THSD7A: variants seen among roughly 807,000 people sequenced by gnomAD.
THSD7A encodes the protein thrombospondin type-1 domain-containing protein 7A.
Under a neutral mutation model 231.3 loss-of-function variants are expected in THSD7A, and 96 were observed. The ratio of observed to expected loss-of-function variants is 0.41; its 90% confidence interval spans 0.35 to 0.49. The LOEUF (loss-of-function observed/expected upper bound fraction) is 0.49. Ranked by LOEUF, THSD7A falls within the 20% of genes least tolerant of loss-of-function variation. THSD7A has a pLI of 0.05. For synonymous variants in THSD7A, 940 were observed against 743.3 expected (o/e 1.26, Z -4.30); for missense variants, 2,290 against 2,070.2 (o/e 1.11, Z -2.06).
intron 1 of THSD7A, among the ~76,000 whole-genome samples, chr7:11,694,632 A>ACTGTATTTAACAAACTGT (rs1780333935): frequency 6.6e-6 from 1 of 151,496 alleles, no homozygotes; most frequent in Non-Finnish European, 1.5e-5. Context: ...CACTGCTCAC[A>ACTGTATTTAACAAACTGT]AGGTTTGTTA....
At chr7:11,659,062 C>G (rs926244475) in intron 1 of THSD7A, among the ~76,000 whole-genome samples, 3 of 151,684 alleles carry the variant, frequency 2.0e-5, no homozygotes, top group Admixed American at 6.6e-5. Context: ...AACACACACA[C>G]AGACACTCCT....
chr7:11,575,957 T>C (rs1790883323), intron 4 of THSD7A, among the ~76,000 whole-genome samples: 1 of 152,210 alleles, frequency 6.6e-6, no homozygotes, highest in African/African-American at 2.4e-5. Context: ...TTTCTGGCTC[T>C]AGAACCAGAA....
At chr7:11,772,213 A>AAAAC (rs1783254953) in intron 1 of THSD7A, among the ~76,000 whole-genome samples, 1 of 151,840 alleles carries the variant, frequency 6.6e-6, no homozygotes, top group African/African-American at 2.4e-5. Context: ...TAAAACAAAA[A>AAAAC]AAAACAAAAC....
rs551285374 is a variant in THSD7A at position 11,603,626 on chromosome 7, C to T, written c.1023-10124G>A. Among the ~76,000 whole-genome samples the T allele has an allele frequency of 5.1e-4, 78 of 151,774 alleles. 1 individual carries two copies. In the South Asian group the frequency reaches 0.016, roughly 31 times the overall value. On this transcript the variant is annotated intron_variant, in intron 2 of 27. Coordinates refer to ENST00000423059, the MANE Select transcript of THSD7A (RefSeq NM_015204.3). ...CACGATAGCAAAGACTTGGAACCAACCCAAATGTCCAACAATGATAGACTG... is the reference window on the plus strand; with the variant it reads ...CACGATAGCAAAGACTTGGAACCAATCCAAATGTCCAACAATGATAGACTG...
intron 6 of THSD7A, among the ~76,000 whole-genome samples, chr7:11,511,453 C>CA (rs1392607456): frequency 3.3e-5 from 5 of 152,210 alleles, no homozygotes; most frequent in Middle Eastern, 3.4e-3. Flanking sequence ...CATATGGAAC[C>CA]AAAAAACAGC....
chr7:11,794,332 T>C lies in THSD7A; in HGVS notation c.190+37425A>G, dbSNP rs2128179091. On this transcript the variant is annotated intron_variant, in intron 1 of 27. Transcript: ENST00000423059. The stretch of plus-strand genomic sequence containing the variant: ...GCTCTGACAGTGTTTCCTTGCATAA[T>C]TTAATTGAGAATTTCATATTGAGTC... 2.0e-5 allele frequency among the ~76,000 whole-genome samples: 3 copies of C among 152,098 alleles called. No homozygotes were observed. In the Middle Eastern group the frequency reaches 0.01, roughly 517 times the overall value.
chr7:11,629,411 C>T (rs757994829), intron 2 of THSD7A, among the ~76,000 whole-genome samples: 19 of 152,088 alleles, frequency 1.2e-4, no homozygotes, highest in African/African-American at 1.9e-4. Flanking sequence ...GCTTGCGAGA[C>T]GTGATGATGA....
intron 1 of THSD7A, among the ~76,000 whole-genome samples, chr7:11,815,555 A>T (rs1447627410): frequency 6.6e-6 from 1 of 152,204 alleles, no homozygotes; most frequent in African/African-American, 2.4e-5. Context: ...ATTCTTATTA[A>T]TAAACCTGAA....
chr7:11,750,811 G>A (rs1003990656), intron 1 of THSD7A, among the ~76,000 whole-genome samples: 1 of 151,998 alleles, frequency 6.6e-6, no homozygotes, highest in African/African-American at 2.4e-5. Flanking sequence ...TGGGCTGATA[G>A]TAAAGATACT....
At chr7:11,784,626 TG>T (rs1453352162) in intron 1 of THSD7A, among the ~76,000 whole-genome samples, 2 of 152,106 alleles carry the variant, frequency 1.3e-5, no homozygotes, top group African/African-American at 4.8e-5. Flanking sequence ...CAAATGTACT[TG>T]GTCTTCTTGA....
chr7:11,728,817 T>G (rs950313653), intron 1 of THSD7A, among the ~76,000 whole-genome samples: 1 of 151,792 alleles, frequency 6.6e-6, no homozygotes, highest in Non-Finnish European at 1.5e-5. Context: ...GTTTCAGGCT[T>G]CTCAGTGAGC....
At chr7:11,612,880 TG>T (rs1300195882) in intron 2 of THSD7A, among the ~76,000 whole-genome samples, 1 of 152,216 alleles carries the variant, frequency 6.6e-6, no homozygotes, top group Non-Finnish European at 1.5e-5. Context: ...ATAAACCTGT[TG>T]ACCTTTTGTA....
intron 4 of THSD7A, among the ~76,000 whole-genome samples, chr7:11,574,034 G>A (rs376923278): frequency 6.6e-6 from 1 of 152,114 alleles, no homozygotes; most frequent in South Asian, 2.1e-4. Flanking sequence ...GGAAAAACAA[G>A]CATACCTGAG....
At chr7:11,661,618 T>C (rs892976051) in intron 1 of THSD7A, among the ~76,000 whole-genome samples, 3 of 150,658 alleles carry the variant, frequency 2.0e-5, no homozygotes, top group South Asian at 4.2e-4. Context: ...GAAAATCCAA[T>C]TCAAAAATAT....
intron 1 of THSD7A, among the ~76,000 whole-genome samples, chr7:11,769,098 C>A (rs1415394216): frequency 7.9e-6 from 1 of 127,140 alleles, no homozygotes; most frequent in Non-Finnish European, 1.6e-5. Flanking sequence ...GCTGCGATTA[C>A]AGGCACCTGC....
At chr7:11,775,656 C>A (rs1783377441) in intron 1 of THSD7A, among the ~76,000 whole-genome samples, 1 of 152,052 alleles carries the variant, frequency 6.6e-6, no homozygotes, top group Non-Finnish European at 1.5e-5. Context: ...GAGACAAAAA[C>A]TAGAATGATG....
Position 11,590,475 on chromosome 7 carries a change from G to A in THSD7A, c.1438C>T (p.His480Tyr). ...NENLLSQLST[H>Y]KNKEASKPMD... is the part of the protein sequence containing the mutation. ...CAAAGGTTACCTTCTTTGTTCTTGT[G>A]GGTACTTAATTGTGAGAGGAGGTTT... Residue 480 changes from histidine (H) to tyrosine (Y), a missense_variant, in exon 4 of 28, where the codon CAC becomes TAC. Coordinates refer to ENST00000423059, the MANE Select transcript of THSD7A (RefSeq NM_015204.3). The surrounding 1 kb of genome is among the most constrained non-coding windows in gnomAD (Gnocchi z 4.4). The A allele has an allele frequency of 3.1e-6, 5 of 1,611,362 alleles. No individual in the cohort carries two copies. Among genetic ancestry groups the A allele is most frequent in the Non-Finnish European group, 4.2e-6 (5 of 1,178,926 alleles).
intron 9 of THSD7A, among the ~76,000 whole-genome samples, chr7:11,466,321 A>C (rs1785702660): frequency 6.6e-6 from 1 of 152,184 alleles, no homozygotes; most frequent in Admixed American, 6.6e-5. Flanking sequence ...GTAATTTCAA[A>C]ATGATACTTG....
rs149609880 is a variant in THSD7A at position 11,641,508 on chromosome 7, A to G, written c.191-4547T>C. Among the ~76,000 whole-genome samples the G allele has an allele frequency of 4.2e-3, 641 of 152,234 alleles. 3 individuals are homozygous for G. Among genetic ancestry groups the G allele is most frequent in the African/African-American group, 0.015 (608 of 41,562 alleles). On this transcript the variant is annotated intron_variant, in intron 1 of 27. Transcript: ENST00000423059. The stretch of plus-strand genomic sequence containing the variant: ...AGAAAAGCATATGTTATAAATATAA[A>G]TATATTCCAATTCCCATTTCAATAA...
Sources: allele counts gnomAD v4.1 joint callset (sites outside exome capture counted in the v4.1 genomes callset), GRCh38; gene constraint gnomAD v4.1.1; non-coding constraint Gnocchi (gnomAD v3.1); transcripts MANE v1.5; gene names NCBI Gene and HGNC (gene_info 2026-07-23, HGNC 2026-07-21).